Variants in PRKCB observed in about 807,000 individuals in gnomAD.
PRKCB encodes the protein protein kinase C beta.
A neutral mutation model predicts 81.5 loss-of-function variants in PRKCB; 13 were observed. The ratio of observed to expected loss-of-function variants is 0.16; its 90% CI spans 0.10 to 0.25. PRKCB has a LOEUF of 0.25. Ranked by LOEUF, PRKCB falls within the 10% of genes least tolerant of loss-of-function variation. The probability of loss-of-function intolerance (pLI) is 1.00; values close to 1 mark genes in which losing one functional copy is unlikely to be tolerated. For synonymous variants in PRKCB, 335 were observed against 321.4 expected, an observed-to-expected ratio of 1.04 and a Z score of -0.45; for missense variants, 509 against 875.7, an observed-to-expected ratio of 0.58 and a Z score of 5.29.
intron 15 of PRKCB, among the ~76,000 whole-genome samples, chr16:24,186,337 A>C (rs1469320794): frequency 6.6e-6 from 1 of 152,216 alleles, no homozygotes; most frequent in Non-Finnish European, 1.5e-5. Flanking sequence ...CCAGAGATTA[A>C]GTCTGGGTAT....
At chr16:24,201,131 G>A (rs1967950414) in intron 16 of PRKCB, among the ~76,000 whole-genome samples, 1 of 152,034 alleles carries the variant, frequency 6.6e-6, no homozygotes, top group African/African-American at 2.4e-5. Flanking sequence ...CCCAACTCAT[G>A]TGAGACTTAC....
intron 8 of PRKCB, among the ~76,000 whole-genome samples, chr16:24,119,178 T>A (rs1371898061): frequency 2.0e-5 from 3 of 151,858 alleles, no homozygotes; most frequent in Admixed American, 2.0e-4. Flanking sequence ...ATTCTAGAAG[T>A]TAAATTAACA....
intron 2 of PRKCB, among the ~76,000 whole-genome samples, chr16:23,978,959 G>C (rs532262832): frequency 6.6e-6 from 1 of 152,322 alleles, no homozygotes; most frequent in African/African-American, 2.4e-5. Context: ...AATAGCAGTG[G>C]ATGTGTTGGA....
chr16:23,840,338 A>C (rs1254599543), intron 2 of PRKCB, among the ~76,000 whole-genome samples: 1 of 152,098 alleles, frequency 6.6e-6, no homozygotes, highest in Non-Finnish European at 1.5e-5. Flanking sequence ...CTGCTCCACT[A>C]TCCCTGGGGA....
chr16:23,846,819 T>C lies in PRKCB; in HGVS notation c.205+9413T>C, dbSNP rs757984224. The stretch of plus-strand genomic sequence containing the variant: ...GTGTTGTAAGGATGCTCAGTGTTCC[T>C]GAAGGTTGAGAGGAACAGCAAGGAC... On this transcript the variant is annotated intron_variant, in intron 2 of 16. Coordinates refer to ENST00000643927, the MANE Select transcript of PRKCB (RefSeq NM_002738.7). Among the ~76,000 whole-genome samples, 15 of 152,190 alleles carry C rather than the reference T, an allele frequency of 9.9e-5. No homozygotes were observed. The South Asian group carries it at 1.9e-3, about 19-fold the overall frequency.
At chr16:24,015,957 A>T (rs1965272097) in intron 3 of PRKCB, among the ~76,000 whole-genome samples, 2 of 152,194 alleles carry the variant, frequency 1.3e-5, no homozygotes, top group African/African-American at 4.8e-5. Context: ...GGATGCCCTG[A>T]GCAGTGATAA....
At chr16:23,905,047 T>TC (rs1187401821) in intron 2 of PRKCB, among the ~76,000 whole-genome samples, 6 of 58,476 alleles carry the variant, frequency 1.0e-4, no homozygotes, top group African/African-American at 4.1e-4. Context: ...TTTTTCTTTT[T>TC]TTTTTTTTTA....
Position 24,216,287 on chromosome 16 carries a change from TTTC to T in PRKCB, c.*1474_*1476del. On this transcript the variant is annotated 3_prime_UTR_variant, in exon 17 of 17. Transcript: ENST00000643927. ...TGGGAACGTGAATGGGGCTCTTGATTTTCTTATCAAAATCACCACTCCTCCCAG... is the reference window on the plus strand; with the variant it reads ...TGGGAACGTGAATGGGGCTCTTGATTTTATCAAAATCACCACTCCTCCCAG... 1.0e-6 allele frequency: 1 copy of T among 985,370 alleles called. No individual in the cohort carries two copies. Among genetic ancestry groups the T allele is most frequent in the South Asian group, 4.7e-5 (1 of 21,278 alleles). The allele number at this position is 985,370 out of a possible 1,614,324, so 61.0% of individuals were successfully genotyped here.
chr16:24,001,871 G>A (rs1283644498), intron 3 of PRKCB, among the ~76,000 whole-genome samples: 2 of 152,180 alleles, frequency 1.3e-5, no homozygotes, highest in Non-Finnish European at 2.9e-5. Context: ...GAAGGACATT[G>A]GGAGTAGAGT....
intron 2 of PRKCB, among the ~76,000 whole-genome samples, chr16:23,847,119 C>G (rs1597207100): frequency 6.6e-6 from 1 of 152,082 alleles, no homozygotes; most frequent in East Asian, 1.9e-4. Flanking sequence ...TTAGTTCAAC[C>G]ATAGCTGTGT....
chr16:24,174,713 T>A, intron 12 of PRKCB, 133 bp downstream of exon 12: 1 of 845,508 alleles, frequency 1.2e-6, no homozygotes, highest in Non-Finnish European at 1.9e-6. Flanking sequence ...CTTGGGCATG[T>A]GTTCTGCCAG....
At chr16:24,143,891 T>C (rs1567390687) in intron 9 of PRKCB, among the ~76,000 whole-genome samples, 3 of 152,220 alleles carry the variant, frequency 2.0e-5, no homozygotes, top group African/African-American at 7.2e-5. Flanking sequence ...TTTGGTCTCT[T>C]CTTCCTTGCC....
intron 2 of PRKCB, among the ~76,000 whole-genome samples, chr16:23,902,725 C>G (rs1292921248): frequency 8.2e-5 from 1 of 12,192 alleles, no homozygotes; most frequent in South Asian, 6.8e-3. Context: ...TCCCTCCCTC[C>G]CTTCCTCCCT....
intron 3 of PRKCB, among the ~76,000 whole-genome samples, chr16:23,990,658 C>A (rs191990599): frequency 6.6e-6 from 1 of 152,024 alleles, no homozygotes; most frequent in Admixed American, 6.5e-5. Flanking sequence ...AGCAACCCCC[C>A]CACCTCAGCC....
chr16:23,934,626 T>A (rs1964032854), intron 2 of PRKCB, among the ~76,000 whole-genome samples: 1 of 152,224 alleles, frequency 6.6e-6, no homozygotes, highest in African/African-American at 2.4e-5. Context: ...TATAGAATTT[T>A]TATATATCTA....
chr16:23,938,887 A>T (rs1239032918), intron 2 of PRKCB, among the ~76,000 whole-genome samples: 1 of 152,244 alleles, frequency 6.6e-6, no homozygotes, highest in Admixed American at 6.5e-5. Context: ...AAAAAGAAAG[A>T]AAGAAAGAAA....
chr16:23,972,517 A>T (rs1964571304), intron 2 of PRKCB, among the ~76,000 whole-genome samples: 1 of 152,186 alleles, frequency 6.6e-6, no homozygotes, highest in South Asian at 2.1e-4. Flanking sequence ...TTCAGTTTTT[A>T]ATTTTTTCCT....
chr16:23,953,019 AC>A (rs1964303076), intron 2 of PRKCB, among the ~76,000 whole-genome samples: 1 of 152,178 alleles, frequency 6.6e-6, no homozygotes, highest in Non-Finnish European at 1.5e-5. Context: ...ATTGCTTCCC[AC>A]ATGCAGGGTG....
At position 24,217,086 on chromosome 16, in the gene PRKCB, GAGAA is replaced by G. The variant is rs1264464098; in HGVS notation, c.*2277_*2280del. On this transcript the variant is annotated 3_prime_UTR_variant, in exon 17 of 17. Coordinates refer to ENST00000643927, the MANE Select transcript of PRKCB (RefSeq NM_002738.7). ...GAAAACAATGTAGGATGAATGGAAA[GAGAA>G]AGAAAGGAAAGAAAGAAGAAAAAGA... is the stretch of plus-strand genomic sequence containing the variant. 4.1e-6 allele frequency: 4 copies of G among 981,508 alleles called. No homozygotes were observed. Among genetic ancestry groups the G allele is most frequent in the Admixed American group, 6.4e-5 (1 of 15,720 alleles). 60.8% of individuals were successfully genotyped at this position (981,508 alleles called of 1,614,324 possible).
Sources: allele counts gnomAD v4.1 joint callset (sites outside exome capture counted in the v4.1 genomes callset), GRCh38; gene constraint gnomAD v4.1.1; transcripts MANE v1.5; gene names NCBI Gene and HGNC (gene_info 2026-07-23, HGNC 2026-07-21).